The following NCOA1 variants were observed in gnomAD, a reference collection of about 807,000 sequenced individuals.
NCOA1 encodes nuclear receptor coactivator 1.
In NCOA1, 35 loss-of-function variants were observed where a neutral mutation model predicts 150.9. That is an observed-to-expected ratio of 0.23 (90% CI 0.18 to 0.31). The LOEUF is 0.31. Among genes scored for constraint, NCOA1 ranks in the 10% least tolerant of loss-of-function variants. NCOA1 has a pLI of 1.00. For synonymous variants in NCOA1, 590 were observed against 630.0 expected (o/e 0.94, Z 0.95); for missense variants, 1,491 against 1,749.3 (o/e 0.85, Z 2.63).
In NCOA1 at chr2:24,706,884, A is replaced by C. The variant is rs781419195; in HGVS notation, c.1414A>C (p.Asn472His). ...GAGCAGTAATCCCTCTTTAAACCTC[A>C]ATAATTCTCCTATGGAAGGTACAGG... The part of the protein sequence containing the change: ...SQSSNPSLNL[N>H]NSPMEGTGIS... Residue 472 changes from asparagine (N) to histidine (H), a missense_variant, in exon 13 of 23, where the codon AAT becomes CAT. Coordinates refer to ENST00000348332, the MANE Select transcript of NCOA1 (RefSeq NM_003743.5). 1 of 1,614,142 alleles carries C rather than the reference A, an allele frequency of 6.2e-7. No individual in the cohort carries two copies. The highest frequency in any genetic ancestry group is 8.5e-7 in the Non-Finnish European group (1 of 1,180,010).
At chr2:24,682,863 C>A (rs941645283) in intron 7 of NCOA1, 88 bp from the exon 8 acceptor site, 2 of 1,182,604 alleles carry the variant, frequency 1.7e-6, no homozygotes, top group African/African-American at 3.2e-5. Context: ...ACATATATTT[C>A]TGATCTCTTT....
intron 1 of NCOA1, among the ~76,000 whole-genome samples, chr2:24,509,988 CTAAG>C (rs1022418196): frequency 1.3e-5 from 2 of 152,152 alleles, no homozygotes; most frequent in African/African-American, 4.8e-5. Context: ...GTGTGACAGA[CTAAG>C]AAAGAAATAG....
At chr2:24,650,382 C>G (rs900006116) in intron 4 of NCOA1, among the ~76,000 whole-genome samples, 3 of 152,024 alleles carry the variant, frequency 2.0e-5, no homozygotes, top group Non-Finnish European at 4.4e-5. Flanking sequence ...CTAAGGGGGC[C>G]AGACATTGGA....
intron 1 of NCOA1, among the ~76,000 whole-genome samples, chr2:24,519,226 TAAAAA>T (rs895996461): frequency 1.3e-5 from 2 of 152,062 alleles, no homozygotes; most frequent in Non-Finnish European, 2.9e-5. Context: ...AATTCAATCA[TAAAAA>T]GGAATGAAAT....
At chr2:24,726,466 C>A (rs1182361550) in intron 14 of NCOA1, 123 bp from the exon 15 acceptor site, 9 of 561,746 alleles carry the variant, frequency 1.6e-5, no homozygotes, top group Middle Eastern at 3.0e-4. Context: ...AATAAGTGAC[C>A]TTTGTATCAT....
chr2:24,632,701 AAGAACT>A (rs1669760123), intron 3 of NCOA1, among the ~76,000 whole-genome samples: 2 of 152,320 alleles, frequency 1.3e-5, no homozygotes, highest in South Asian at 4.1e-4. Flanking sequence ...TAAAGACAAA[AAGAACT>A]ATACATAAAT....
intron 6 of NCOA1, among the ~76,000 whole-genome samples, chr2:24,670,732 A>G (rs1558890555): frequency 6.6e-6 from 1 of 152,188 alleles, no homozygotes; most frequent in East Asian, 1.9e-4. Context: ...AGGTGATGAG[A>G]ATATTCTAAA....
intron 1 of NCOA1, among the ~76,000 whole-genome samples, chr2:24,560,908 G>C (rs1366349371): frequency 1.3e-5 from 2 of 152,182 alleles, no homozygotes; most frequent in African/African-American, 4.8e-5. Context: ...TGTTTGGTTT[G>C]TGTAGTTGTT....
chr2:24,682,421 C>T (rs1672216300), intron 7 of NCOA1, among the ~76,000 whole-genome samples: 1 of 152,120 alleles, frequency 6.6e-6, no homozygotes, highest in African/African-American at 2.4e-5. Context: ...TCTAACTTTT[C>T]CCGTGCTCCC....
Position 24,680,504 on chromosome 2 carries a change from T to G in NCOA1, c.355-2447T>G, listed in dbSNP as rs917347417. Among the ~76,000 whole-genome samples, 6 of 152,242 alleles carry G rather than the reference T, an allele frequency of 3.9e-5. No individual in the cohort carries two copies. The East Asian group carries it at 1.2e-3, about 29-fold the overall frequency. ...GACAGATACCACATGATCTCACTTA[T>G]ATGTGGGATCTAAAAAAGTCAAACT... On this transcript the variant is annotated intron_variant, in intron 7 of 22. Transcript: ENST00000348332.
chr2:24,707,619 A>T lies in NCOA1; in HGVS notation c.2149A>T (p.Thr717Ser). 6.2e-7 allele frequency: 1 copy of T among 1,614,206 alleles called. No individual in the cohort carries two copies. Residue 717 changes from threonine to serine, a missense_variant, in exon 13 of 23, where the codon ACT (threonine) becomes TCT (serine). By Grantham distance (58) the Thr-to-Ser change is moderately conservative. Transcript: ENST00000348332. ...GCCTGATAAAAAGGACAGTGCATCTACTTCTGTGTCAGTGACTGGACAGGT... is the reference window on the plus strand; with the variant it reads ...GCCTGATAAAAAGGACAGTGCATCTTCTTCTGTGTCAGTGACTGGACAGGT... ...VEPDKKDSAS[T>S]SVSVTGQVQG... is the part of the protein sequence containing the mutation.
rs1484176029 is a variant in NCOA1, at chr2:24,665,666, A to C, written c.90-83A>C. 2.8e-6 allele frequency: 3 copies of C among 1,071,140 alleles called. No homozygotes were observed. In the African/African-American group the frequency reaches 4.9e-5, roughly 17 times the overall value. The allele number at this position is 1,071,140 out of a possible 1,614,324, so 66.4% of individuals were successfully genotyped here. ...TTTCGATAAAAATAAAGATCTCACT[A>C]AATGTGTAAGCATAGATACTTGATC... On this transcript the variant is annotated intron_variant, in intron 5 of 22. Coordinates refer to ENST00000348332, the MANE Select transcript of NCOA1 (RefSeq NM_003743.5).
chr2:24,607,178 A>C (rs915315112), intron 3 of NCOA1, among the ~76,000 whole-genome samples: 10 of 146,442 alleles, frequency 6.8e-5, no homozygotes, highest in Non-Finnish European at 1.5e-4. Flanking sequence ...GTGAACAGTG[A>C]GGGGTACTGT....
intron 21 of NCOA1, among the ~76,000 whole-genome samples, chr2:24,762,086 AG>A (rs1046730881): frequency 5.9e-5 from 9 of 152,366 alleles, no homozygotes; most frequent in African/African-American, 2.2e-4. Context: ...TAACTCAGGG[AG>A]CCTGCCAGGC....
intron 3 of NCOA1, among the ~76,000 whole-genome samples, chr2:24,589,701 C>T (rs962456617): frequency 1.3e-5 from 2 of 151,586 alleles, no homozygotes; most frequent in African/African-American, 4.8e-5. Context: ...ACACGCGCCA[C>T]GTGTCAGGGA....
chr2:24,532,355 C>G (rs1664935930), intron 1 of NCOA1, among the ~76,000 whole-genome samples: 1 of 152,042 alleles, frequency 6.6e-6, no homozygotes, highest in South Asian at 2.1e-4. Context: ...GATATTAGCC[C>G]TTTGTCAGAT....
intron 3 of NCOA1, among the ~76,000 whole-genome samples, chr2:24,607,008 G>A (rs115148962): frequency 2.1e-3 from 324 of 152,240 alleles, no homozygotes; most frequent in African/African-American, 7.5e-3. Flanking sequence ...ACTTGGGGAT[G>A]CTCTTTTTCA....
chr2:24,603,306 G>A (rs1413308564), intron 3 of NCOA1, among the ~76,000 whole-genome samples: 1 of 152,288 alleles, frequency 6.6e-6, no homozygotes, highest in Non-Finnish European at 1.5e-5. Context: ...GATGGTTGCT[G>A]ACTAATCAGG....
At chr2:24,582,309 A>G (rs1262436670) in intron 2 of NCOA1, among the ~76,000 whole-genome samples, 3 of 152,190 alleles carry the variant, frequency 2.0e-5, no homozygotes, top group Non-Finnish European at 2.9e-5. Flanking sequence ...GCATTTCTAT[A>G]TATCAGTAAT....
Sources: gnomAD v4.1 joint callset for allele counts (sites outside exome capture counted in the v4.1 genomes callset) on GRCh38, gnomAD v4.1.1 for gene constraint, MANE v1.5 for transcripts, NCBI Gene and HGNC (gene_info 2026-07-23, HGNC 2026-07-21) for gene names.